Variants in SNTG2 observed in about 807,000 individuals in gnomAD.
SNTG2 encodes syntrophin gamma 2, also known as gamma-2-syntrophin.
SNTG2 carries 74 observed loss-of-function variants against 70.9 expected under a neutral mutation model. The ratio of observed to expected loss-of-function variants is 1.04; its 90% CI spans 0.86 to 1.27. The LOEUF is 1.27. SNTG2 is among the 50% of genes most tolerant of loss of function. The pLI is 0.00. For missense variants in SNTG2, 717 were observed against 690.7 expected (o/e 1.04, Z -0.43); for synonymous variants, 278 against 273.8 (o/e 1.02, Z -0.15).
chr2:975,460 C>T (rs1660879693), intron 1 of SNTG2, among the ~76,000 whole-genome samples: 1 of 152,260 alleles, frequency 6.6e-6, no homozygotes, highest in African/African-American at 2.4e-5. Context: ...AACAGTTCCC[C>T]TGTGACTCTT....
chr2:1,114,369 C>T (rs1028366748), intron 4 of SNTG2, among the ~76,000 whole-genome samples: 2 of 151,380 alleles, frequency 1.3e-5, no homozygotes, highest in Admixed American at 6.6e-5. Context: ...ATCCTGTGTG[C>T]TAAGTGAGGT....
At chr2:1,198,166 G>A (rs28570396) in intron 8 of SNTG2, among the ~76,000 whole-genome samples, 150,425 of 152,206 alleles carry the variant, frequency 0.99, 74,354 homozygotes, top group Middle Eastern at 1. Context: ...TCAGAACACA[G>A]TGGAATAAAC....
chr2:971,262 G>A (rs1165035292), intron 1 of SNTG2, among the ~76,000 whole-genome samples: 3 of 152,126 alleles, frequency 2.0e-5, no homozygotes, highest in African/African-American at 4.8e-5. Flanking sequence ...AATTTGTCTG[G>A]TCCTGGGGAT....
intron 1 of SNTG2, among the ~76,000 whole-genome samples, chr2:959,475 G>A (rs1008861434): frequency 6.6e-6 from 1 of 152,048 alleles, no homozygotes; most frequent in African/African-American, 2.4e-5. Flanking sequence ...TTCCATGTTG[G>A]CAGGAGGAAG....
intron 1 of SNTG2, among the ~76,000 whole-genome samples, chr2:999,793 T>A (rs1371931254): frequency 6.6e-6 from 1 of 151,904 alleles, no homozygotes; most frequent in Non-Finnish European, 1.5e-5. Context: ...AACAAACACA[T>A]TGCATTCTAC....
Position 1,142,374 on chromosome 2 carries a change from C to A in SNTG2, c.411+4565C>A, listed in dbSNP as rs1344301993. The stretch of plus-strand genomic sequence containing the variant: ...GGGCTCTGCCATCCCGTCCAGGGTC[C>A]ACCATCCCTTTGGATTCCAGGAGCC... On this transcript the variant is annotated intron_variant, in intron 6 of 16. Transcript: ENST00000308624. Among the ~76,000 whole-genome samples, 8 of 152,340 alleles carry A rather than the reference C, an allele frequency of 5.3e-5. 1 individual carries two copies. The South Asian group carries it at 1.7e-3, about 32-fold the overall frequency.
At chr2:1,126,200 T>C (rs1457440696) in intron 4 of SNTG2, among the ~76,000 whole-genome samples, 1 of 152,160 alleles carries the variant, frequency 6.6e-6, no homozygotes, top group African/African-American at 2.4e-5. Flanking sequence ...CTTAGTTCTA[T>C]GAGACCAGCT....
At chr2:1,287,792 C>T (rs1016120068) in intron 14 of SNTG2, among the ~76,000 whole-genome samples, 3 of 152,232 alleles carry the variant, frequency 2.0e-5, no homozygotes, top group African/African-American at 4.8e-5. Flanking sequence ...GAAAAGGGCC[C>T]AAGCAGCATT....
intron 14 of SNTG2, among the ~76,000 whole-genome samples, chr2:1,289,821 CTAT>C (rs761625380): frequency 1.3e-5 from 2 of 152,182 alleles, no homozygotes; most frequent in Non-Finnish European, 2.9e-5. Context: ...ATGGTAGCCA[CTAT>C]TCCACTCCCC....
At chr2:1,172,148 G>A (rs1671168740) in intron 7 of SNTG2, among the ~76,000 whole-genome samples, 1 of 152,164 alleles carries the variant, frequency 6.6e-6, no homozygotes, top group African/African-American at 2.4e-5. Flanking sequence ...GATGATTGAT[G>A]GCTGGCTGGT....
At chr2:1,256,522 A>C (rs1383873982) in intron 12 of SNTG2, 1 of 152,178 alleles carries the variant, frequency 6.6e-6, no homozygotes, top group African/African-American at 2.4e-5. Context: ...TTACATGGTC[A>C]TGTTCGGCCT....
chr2:975,930 A>G (rs10166936), intron 1 of SNTG2, among the ~76,000 whole-genome samples: 45,333 of 152,136 alleles, frequency 0.3, 7,118 homozygotes, highest in Middle Eastern at 0.4. Context: ...AAAACAAGAA[A>G]AGTACAATGG....
chr2:1,252,155 G>A (rs1249901090), intron 12 of SNTG2, among the ~76,000 whole-genome samples: 1 of 152,176 alleles, frequency 6.6e-6, no homozygotes, highest in East Asian at 1.9e-4. Flanking sequence ...GATGATCCAC[G>A]AGAAAGAAGC....
intron 6 of SNTG2, among the ~76,000 whole-genome samples, chr2:1,154,224 A>G (rs918199504): frequency 1.3e-5 from 2 of 151,930 alleles, no homozygotes; most frequent in African/African-American, 4.8e-5. Flanking sequence ...GGAGGCTGAC[A>G]TTAGGGACCA....
At chr2:1,288,522 A>G (rs1222186058) in intron 14 of SNTG2, among the ~76,000 whole-genome samples, 7 of 152,214 alleles carry the variant, frequency 4.6e-5, no homozygotes, top group African/African-American at 1.2e-4. Flanking sequence ...ATATACATGG[A>G]CATGTGCACA....
chr2:1,082,117 T>C (rs1447131700), intron 1 of SNTG2, among the ~76,000 whole-genome samples: 1 of 152,140 alleles, frequency 6.6e-6, no homozygotes, highest in African/African-American at 2.4e-5. Flanking sequence ...GCAGCTTCCC[T>C]CGGCGATGGT....
At chr2:1,064,914 A>G (rs1296176875) in intron 1 of SNTG2, among the ~76,000 whole-genome samples, 3 of 152,226 alleles carry the variant, frequency 2.0e-5, no homozygotes, top group Non-Finnish European at 4.4e-5. Flanking sequence ...TTTGCAAGAA[A>G]CACATTTAAC....
At chr2:1,175,038 C>T (rs552532710) in intron 8 of SNTG2, among the ~76,000 whole-genome samples, 2 of 152,284 alleles carry the variant, frequency 1.3e-5, no homozygotes, top group East Asian at 3.9e-4. Context: ...TTCAAGAAAT[C>T]TTTCTTATCT....
chr2:1,105,477 C>T (rs533753525), intron 4 of SNTG2, among the ~76,000 whole-genome samples: 3 of 152,286 alleles, frequency 2.0e-5, no homozygotes, highest in South Asian at 4.1e-4. Flanking sequence ...AAGGCTCACA[C>T]GTCAGGAACC....
Sources: allele counts gnomAD v4.1 joint callset (sites outside exome capture counted in the v4.1 genomes callset), GRCh38; gene constraint gnomAD v4.1.1; transcripts MANE v1.5; gene names NCBI Gene and HGNC (gene_info 2026-07-23, HGNC 2026-07-21).